The following IL1RAPL1 variants were observed in gnomAD, a reference collection of about 807,000 sequenced individuals.
The protein encoded by IL1RAPL1 is interleukin 1 receptor accessory protein like 1.
Under a neutral mutation model 48.4 loss-of-function variants are expected in IL1RAPL1, and 3 were observed. That is an observed-to-expected ratio of 0.06 (90% CI 0.03 to 0.16). The LOEUF (loss-of-function observed/expected upper bound fraction) is 0.16. Among genes scored for constraint, IL1RAPL1 ranks in the 10% least tolerant of loss-of-function variants. The pLI, the probability that IL1RAPL1 is intolerant of heterozygous loss-of-function variation, is 1.00. For missense variants in IL1RAPL1, 349 were observed against 530.6 expected, an observed-to-expected ratio of 0.66 and a Z score of 3.36; for synonymous variants, 185 against 187.7, an observed-to-expected ratio of 0.99 and a Z score of 0.12.
chrX:29,091,816 G>A (rs1261009876), intron 2 of IL1RAPL1, among the ~76,000 whole-genome samples: 2 of 111,204 alleles, frequency 1.8e-5, no homozygotes, highest in Non-Finnish European at 3.8e-5. Context: ...GGAACTAGAA[G>A]TTAATAAAGC....
At chrX:29,899,017 A>C (rs1404508498) in intron 6 of IL1RAPL1, among the ~76,000 whole-genome samples, 1 of 111,887 alleles carries the variant, frequency 8.9e-6, no homozygotes, top group Non-Finnish European at 1.9e-5. Context: ...AACCTAGATC[A>C]GTGCCTTATA....
chrX:29,927,801 C>A (rs1167646334), intron 8 of IL1RAPL1, among the ~76,000 whole-genome samples: 1 of 108,856 alleles, frequency 9.2e-6, no homozygotes, highest in African/African-American at 3.4e-5. Flanking sequence ...ATTCAGCTAA[C>A]TCTCAATTAA....
Position 29,342,793 on chromosome X carries a change from C to T in IL1RAPL1, c.363-53465C>T, listed in dbSNP as rs138463413. On this transcript the variant is annotated intron_variant, in intron 3 of 10. Transcript: ENST00000378993. Reference sequence around the variant, plus strand: ...TATGCTAACACGCTACTAAAAATTACGATGTTGATAATGTGTTTCTCTTTA... The same window carrying T: ...TATGCTAACACGCTACTAAAAATTATGATGTTGATAATGTGTTTCTCTTTA... Among the ~76,000 whole-genome samples, 804 of 112,344 alleles carry T rather than the reference C, an allele frequency of 7.2e-3. 3 individuals are homozygous for T. The highest frequency in any genetic ancestry group is 0.012 in the Non-Finnish European group (618 of 53,279).
intron 3 of IL1RAPL1, among the ~76,000 whole-genome samples, chrX:29,320,235 T>C (rs1932794549): frequency 8.9e-6 from 1 of 111,985 alleles, no homozygotes; most frequent in Non-Finnish European, 1.9e-5. Flanking sequence ...TTTATTTCTA[T>C]GTGCATATGT....
At chrX:28,614,897 G>GT (rs1042424794) in intron 1 of IL1RAPL1, among the ~76,000 whole-genome samples, 59 of 109,562 alleles carry the variant, frequency 5.4e-4, no homozygotes, top group African/African-American at 1.9e-3. Context: ...TTTGTTTTTT[G>GT]TTTTTTTTCG....
intron 2 of IL1RAPL1, among the ~76,000 whole-genome samples, chrX:29,100,938 A>G (rs1004165523): frequency 1.8e-5 from 2 of 111,884 alleles, no homozygotes; most frequent in Admixed American, 9.5e-5. Context: ...TATCACATGC[A>G]TCCTTTTATA....
chrX:29,600,543 G>T (rs1274780803), intron 5 of IL1RAPL1, among the ~76,000 whole-genome samples: 2 of 112,022 alleles, frequency 1.8e-5, no homozygotes, highest in African/African-American at 6.5e-5. Context: ...ATCAGCTGTG[G>T]TAATATAAGG....
At chrX:29,310,043 G>A (rs1358581197) in intron 3 of IL1RAPL1, among the ~76,000 whole-genome samples, 1 of 87,312 alleles carries the variant, frequency 1.1e-5, no homozygotes, top group Admixed American at 1.6e-4. Flanking sequence ...GCAGTGAGCC[G>A]AGATTGCACC....
intron 8 of IL1RAPL1, among the ~76,000 whole-genome samples, chrX:29,925,441 T>TTTTTTG (rs1932881076): frequency 4.1e-5 from 1 of 24,210 alleles, no homozygotes; most frequent in Non-Finnish European, 8.2e-5. Flanking sequence ...TTTTTTTTTT[T>TTTTTTG]TTTTGCTGGG....
intron 5 of IL1RAPL1, among the ~76,000 whole-genome samples, chrX:29,514,987 A>G (rs1190925637): frequency 4.5e-5 from 5 of 112,196 alleles, no homozygotes; most frequent in Non-Finnish European, 1.9e-5. Context: ...GTGTAGTGGA[A>G]GGTGTCACCT....
chrX:29,245,431 G>A (rs1020100678), intron 2 of IL1RAPL1, among the ~76,000 whole-genome samples: 2 of 111,450 alleles, frequency 1.8e-5, no homozygotes, highest in African/African-American at 6.5e-5. Context: ...ATCCTCTCCA[G>A]CATCTGTTGT....
intron 2 of IL1RAPL1, among the ~76,000 whole-genome samples, chrX:29,059,909 A>G (rs769667721): frequency 1.8e-5 from 2 of 111,570 alleles, no homozygotes; most frequent in Non-Finnish European, 3.8e-5. Flanking sequence ...AGTATGTTGT[A>G]CCCTTGAGTA....
At chrX:29,287,408 G>T (rs1932300368) in intron 3 of IL1RAPL1, among the ~76,000 whole-genome samples, 1 of 112,018 alleles carries the variant, frequency 8.9e-6, no homozygotes, top group Non-Finnish European at 1.9e-5. Context: ...TCAATTTTTG[G>T]TGAACATAAG....
Position 28,751,977 on chromosome X carries a change from A to T in IL1RAPL1, c.-24-37343A>T, listed in dbSNP as rs984770436. Among the ~76,000 whole-genome samples the T allele has an allele frequency of 5.4e-5, 6 of 111,806 alleles. No homozygotes were observed. The Admixed American group carries it at 5.7e-4, about 11-fold the overall frequency. ...TAACTTCTCTAAGCCAAAGTTTCTT[A>T]ATAGAAAACTTGTGATGGTTTTAAC... On this transcript the variant is annotated intron_variant, in intron 1 of 10. Transcript: ENST00000378993.
At chrX:28,845,115 A>G (rs1002395523) in intron 2 of IL1RAPL1, among the ~76,000 whole-genome samples, 3 of 111,865 alleles carry the variant, frequency 2.7e-5, no homozygotes, top group African/African-American at 9.7e-5. Flanking sequence ...AGTAAAAGAT[A>G]CGATTTGTCA....
chrX:29,725,729 A>T (rs952998081), intron 6 of IL1RAPL1, among the ~76,000 whole-genome samples: 8 of 112,038 alleles, frequency 7.1e-5, no homozygotes, highest in African/African-American at 2.6e-4. Flanking sequence ...ATGAGTGTGT[A>T]TATCCATCTA....
At chrX:29,199,218 C>G (rs900463566) in intron 2 of IL1RAPL1, among the ~76,000 whole-genome samples, 1 of 111,107 alleles carries the variant, frequency 9.0e-6, no homozygotes, top group Admixed American at 9.6e-5. Context: ...GTATAAATAA[C>G]GTTACACAAA....
At chrX:28,941,265 G>T (rs1043999262) in intron 2 of IL1RAPL1, among the ~76,000 whole-genome samples, 9 of 111,141 alleles carry the variant, frequency 8.1e-5, no homozygotes, top group African/African-American at 2.9e-4. Context: ...TCTGGGGAAT[G>T]TTTCACATTT....
At position 29,440,727 on chromosome X, in the gene IL1RAPL1, G is replaced by A. The variant is rs769188841; in HGVS notation, c.703+41419G>A. Among the ~76,000 whole-genome samples the A allele has an allele frequency of 7.1e-5, 8 of 112,118 alleles. No homozygotes were observed. The South Asian group carries it at 2.9e-3, about 41-fold the overall frequency. ...TCCAATATTTGTCAAATAAAAAAGAGCAAATTTCAGTGAAGAAAATCAATG... is the reference window on the plus strand; with the variant it reads ...TCCAATATTTGTCAAATAAAAAAGAACAAATTTCAGTGAAGAAAATCAATG... On this transcript the variant is annotated intron_variant, in intron 5 of 10. Transcript: ENST00000378993.
Sources: gnomAD v4.1 joint callset for allele counts (sites outside exome capture counted in the v4.1 genomes callset) on GRCh38, gnomAD v4.1.1 for gene constraint, MANE v1.5 for transcripts, NCBI Gene and HGNC (gene_info 2026-07-23, HGNC 2026-07-21) for gene names.